The following MYO1E variants were observed in gnomAD, a reference collection of about 807,000 sequenced individuals.
The protein encoded by MYO1E is unconventional myosin-Ie.
Under a neutral mutation model 151.1 loss-of-function variants are expected in MYO1E, and 68 were observed. The observed-to-expected ratio is 0.45, with a 90% CI of 0.37 to 0.55. The LOEUF (loss-of-function observed/expected upper bound fraction) is 0.55. Among genes scored for constraint, MYO1E ranks in the 20% least tolerant of loss-of-function variants. The pLI, the probability that MYO1E is intolerant of heterozygous loss-of-function variation, is 0.00. For missense variants in MYO1E, 1,363 were observed against 1,389.3 expected, an observed-to-expected ratio of 0.98 and a Z score of 0.30; for synonymous variants, 601 against 501.7, an observed-to-expected ratio of 1.20 and a Z score of -2.64.
intron 1 of MYO1E, among the ~76,000 whole-genome samples, chr15:59,345,687 T>C (rs1456873514): frequency 6.6e-6 from 1 of 152,192 alleles, no homozygotes; most frequent in African/African-American, 2.4e-5. Context: ...GAATAGAACA[T>C]TGTTAACAGC....
intron 15 of MYO1E, among the ~76,000 whole-genome samples, chr15:59,203,885 C>T (rs532054328): frequency 1.3e-5 from 2 of 152,282 alleles, no homozygotes; most frequent in Admixed American, 1.3e-4. Flanking sequence ...AACTCAAACT[C>T]ACTTCCTCCT....
rs140986420 is a variant in MYO1E at position 59,178,349 on chromosome 15, G to A, written c.2049+44C>T. 6.8e-6 allele frequency: 11 copies of A among 1,609,876 alleles called. No homozygotes were observed. The Middle Eastern group carries it at 5.1e-4, about 75-fold the overall frequency. On this transcript the variant is annotated intron_variant, in intron 19 of 27. Coordinates refer to ENST00000288235, the MANE Select transcript of MYO1E (RefSeq NM_004998.4). ...GAGGGGTGGAGCAGGGCTGGCGGGG[G>A]CCCCGCGGGAGGGAAGAGAGTGGAG...
chr15:59,204,044 A>G (rs1404484718), intron 15 of MYO1E, among the ~76,000 whole-genome samples: 2 of 152,242 alleles, frequency 1.3e-5, no homozygotes, highest in African/African-American at 2.4e-5. Flanking sequence ...TGTGGAAGCA[A>G]TAATAGCTCT....
chr15:59,236,811 A>G, intron 4 of MYO1E, 139 bp from the exon 5 acceptor site: 1 of 767,116 alleles, frequency 1.3e-6, no homozygotes, highest in Non-Finnish European at 2.2e-6. Flanking sequence ...TTTTTTAAGT[A>G]CAATACCAGT....
intron 1 of MYO1E, among the ~76,000 whole-genome samples, chr15:59,276,915 T>C (rs1487446249): frequency 6.6e-6 from 1 of 152,188 alleles, no homozygotes; most frequent in Non-Finnish European, 1.5e-5. Context: ...AGGGTAGGCC[T>C]GGCCCCACGC....
intron 7 of MYO1E, 81 bp from the exon 8 acceptor site, chr15:59,224,904 C>A (rs2079980070): frequency 6.3e-7 from 1 of 1,579,924 alleles, no homozygotes; most frequent in Admixed American, 1.7e-5. Flanking sequence ...CAGCCACCAT[C>A]CCTAAGGACT....
At chr15:59,196,886 C>T (rs1392348058) in intron 16 of MYO1E, among the ~76,000 whole-genome samples, 1 of 151,588 alleles carries the variant, frequency 6.6e-6, no homozygotes, top group African/African-American at 2.4e-5. Context: ...AGAGGGACTG[C>T]AGGGTTGAAT....
intron 1 of MYO1E, among the ~76,000 whole-genome samples, chr15:59,347,262 C>A (rs1254637155): frequency 6.6e-6 from 1 of 152,188 alleles, no homozygotes; most frequent in Non-Finnish European, 1.5e-5. Flanking sequence ...TACGCAGGAT[C>A]CAGGCTGCGC....
chr15:59,329,393 G>A (rs2080685442), intron 1 of MYO1E, among the ~76,000 whole-genome samples: 1 of 152,184 alleles, frequency 6.6e-6, no homozygotes, highest in African/African-American at 2.4e-5. Context: ...GAGATCCTGA[G>A]AATCTTATGA....
intron 1 of MYO1E, among the ~76,000 whole-genome samples, chr15:59,357,443 T>G (rs1373924684): frequency 6.6e-6 from 1 of 151,002 alleles, no homozygotes; most frequent in Non-Finnish European, 1.5e-5. Context: ...TTTTTTTTTT[T>G]GAGACGAGTC....
intron 6 of MYO1E, among the ~76,000 whole-genome samples, chr15:59,229,149 G>A (rs973384769): frequency 1.3e-5 from 2 of 152,202 alleles, no homozygotes; most frequent in African/African-American, 2.4e-5. Context: ...CTCAACAGTT[G>A]AGGGAAAATG....
chr15:59,364,232 T>C (rs547868328), intron 1 of MYO1E, among the ~76,000 whole-genome samples: 97 of 152,218 alleles, frequency 6.4e-4, no homozygotes, highest in Non-Finnish European at 1.2e-3. Flanking sequence ...TACCCACTGG[T>C]GTCACATATT....
At chr15:59,202,774 C>T (rs187931482) in intron 15 of MYO1E, among the ~76,000 whole-genome samples, 78 of 152,280 alleles carry the variant, frequency 5.1e-4, no homozygotes, top group Admixed American at 1.4e-3. Flanking sequence ...CAGGGTCTCG[C>T]TCTACTGCCC....
intron 10 of MYO1E, 38 bp downstream of exon 10, chr15:59,217,853 G>A: frequency 6.9e-6 from 11 of 1,604,960 alleles, no homozygotes; most frequent in Non-Finnish European, 9.4e-6. Flanking sequence ...TTATAGCTAA[G>A]ATATGAAGCA....
At chr15:59,356,414 T>C (rs1402707284) in intron 1 of MYO1E, among the ~76,000 whole-genome samples, 1 of 152,206 alleles carries the variant, frequency 6.6e-6, no homozygotes. Flanking sequence ...CTCCTGTTCA[T>C]TCTATCAGCT....
chr15:59,177,815 G>C (rs762176685), intron 19 of MYO1E, among the ~76,000 whole-genome samples: 6 of 152,214 alleles, frequency 3.9e-5, no homozygotes, highest in Admixed American at 6.5e-5. Flanking sequence ...CTATAAACCA[G>C]AGATTTCTCC....
At chr15:59,354,797 G>C (rs537117178) in intron 1 of MYO1E, among the ~76,000 whole-genome samples, 1 of 152,198 alleles carries the variant, frequency 6.6e-6, no homozygotes, top group African/African-American at 2.4e-5. Flanking sequence ...CTCAATTGAA[G>C]GGGCGTTAGT....
intron 21 of MYO1E, among the ~76,000 whole-genome samples, chr15:59,173,084 G>C (rs1335685860): frequency 1.3e-5 from 2 of 152,202 alleles, no homozygotes; most frequent in African/African-American, 4.8e-5. Context: ...GTATCTAAAG[G>C]AGGAGGTGAA....
intron 22 of MYO1E, among the ~76,000 whole-genome samples, chr15:59,168,700 A>G (rs1419227602): frequency 2.6e-5 from 4 of 151,442 alleles, no homozygotes; most frequent in African/African-American, 9.7e-5. Flanking sequence ...GACTCATTGC[A>G]GCCTTGACCT....
Sources: gnomAD v4.1 joint callset for allele counts (sites outside exome capture counted in the v4.1 genomes callset) on GRCh38, gnomAD v4.1.1 for gene constraint, MANE v1.5 for transcripts, NCBI Gene and HGNC (gene_info 2026-07-23, HGNC 2026-07-21) for gene names.